RIN1: variants seen among roughly 807,000 people sequenced by gnomAD.
RIN1 encodes the protein Ras and Rab interactor 1.
RIN1 carries 52 observed loss-of-function variants against 64.9 expected under a neutral mutation model. That is an observed-to-expected ratio of 0.80 (90% CI 0.64 to 1.01). The LOEUF (loss-of-function observed/expected upper bound fraction) is 1.01. RIN1 is among the 50% of genes least tolerant of loss of function. The pLI, the probability that RIN1 is intolerant of heterozygous loss-of-function variation, is 0.00. For missense variants in RIN1, 1,040 were observed against 1,064.5 expected, an observed-to-expected ratio of 0.98 and a Z score of 0.32; for synonymous variants, 486 against 483.6, an observed-to-expected ratio of 1.00 and a Z score of -0.06.
At position 66,333,929 on chromosome 11, in the gene RIN1, C is replaced by G. The variant is rs369381263; in HGVS notation, c.1581G>C (p.Arg527Ser). The part of the protein sequence containing the change: ...QACKLLYMAL[R>S]TQEGEGAGAD... ...GTGGCAGGGACATACCTTCCTGGGT[C>G]CTCAGGGCCATGTAGAGCAGCTTGC... The change falls in exon 7 of 10, where the codon AGG (arginine) becomes AGC (serine). Residue 527 changes from arginine to serine, a missense_variant. Transcript: ENST00000311320. 2.7e-5 allele frequency: 41 copies of G among 1,535,926 alleles called. No homozygotes were observed. The highest frequency in any genetic ancestry group is 3.3e-5 in the Non-Finnish European group (38 of 1,140,754).
Position 66,335,762 on chromosome 11 carries a change from C to T in RIN1, c.382G>A (p.Gly128Ser), listed in dbSNP as rs1045383459. 8.1e-6 allele frequency: 13 copies of T among 1,613,020 alleles called. No homozygotes were observed. The highest frequency in any genetic ancestry group is 1.3e-5 in the African/African-American group (1 of 74,892). The change falls in exon 3 of 10, where the codon GGC (glycine) becomes AGC (serine). Residue 128 changes from glycine to serine, a missense_variant and splice_region_variant. Transcript: ENST00000311320. ...CCTTCCCGCCAGGCCAGCCCCTCACCGCCAGGGCTCTCCAGGATGTAGTGG... is the reference window on the plus strand; with the variant it reads ...CCTTCCCGCCAGGCCAGCCCCTCACTGCCAGGGCTCTCCAGGATGTAGTGG... ...SSHYILESPG[G>S]VSLEGSELMF...
chr11:66,336,105 C>G lies in RIN1; in HGVS notation c.140G>C (p.Gly47Ala). ...DVPNASGGQAGGPQRPGRVVS... is the reference protein window; with the variant it reads ...DVPNASGGQAAGPQRPGRVVS... ...AACGCGCCCCGGCCGCTGCGGCCCG[C>G]CTGCCTGCCCGCCGCTGGCATTGGG... Residue 47 changes from glycine (G) to alanine (A), a missense_variant, in exon 2 of 10, where the codon GGC (glycine) becomes GCC (alanine). Gly to Ala is a moderately conservative substitution (Grantham distance 60). Transcript: ENST00000311320. 1 of 1,443,750 alleles carries G rather than the reference C, an allele frequency of 6.9e-7. No individual in the cohort carries two copies. Among genetic ancestry groups the G allele is most frequent in the Non-Finnish European group, 9.1e-7 (1 of 1,100,782 alleles). 89.4% of individuals were successfully genotyped at this position (1,443,750 alleles called of 1,614,324 possible).
intron 6 of RIN1, 56 bp downstream of exon 6, chr11:66,334,458 G>A: frequency 1.9e-6 from 3 of 1,573,990 alleles, no homozygotes; most frequent in Non-Finnish European, 2.6e-6. Flanking sequence ...GCGCTGTGGA[G>A]GGGAGCAGAG....
chr11:66,333,126 C>T, intron 9 of RIN1, 132 bp downstream of exon 9: 2 of 1,147,330 alleles, frequency 1.7e-6, no homozygotes, highest in South Asian at 2.8e-5. Flanking sequence ...CGCCCAAGTC[C>T]CCACAACCCA....
intron 7 of RIN1, 118 bp from the exon 8 acceptor site, chr11:66,333,776 G>A: frequency 6.9e-7 from 1 of 1,443,730 alleles, no homozygotes; most frequent in Non-Finnish European, 9.2e-7. Flanking sequence ...TCCTCTCTAG[G>A]CCTCAGTTTC....
At position 66,335,020 on chromosome 11, in the gene RIN1, G is replaced by C; in HGVS notation, c.779C>G (p.Pro260Arg). Reference protein sequence around the residue: ...STETSSPLSPPAVPPPPVPVL... With the variant: ...STETSSPLSPRAVPPPPVPVL... ...GGGGACGGGGGGAGGTGGCACGGCA[G>C]GTGGAGACAGGGGGCTGGAGGTCTC... The change falls in exon 6 of 10, where the codon CCT becomes CGT. Residue 260 changes from proline (P) to arginine (R), a missense_variant. Transcript: ENST00000311320. 1 of 1,537,872 alleles carries C rather than the reference G, an allele frequency of 6.5e-7. No homozygotes were observed. The highest frequency in any genetic ancestry group is 8.7e-7 in the Non-Finnish European group (1 of 1,144,456).
In RIN1 at chr11:66,336,041, C is replaced by T; in HGVS notation, c.204G>A (p.Val68=). ...LRERLLLTRP[V]WLQLQANAAA... ...CTGCGTTGGCTTGCAGCTGCAGCCA[C>T]ACGGGCCGGGTGAGCAGCAGGCGCT... Residue 68 remains valine (V), a synonymous_variant, in exon 2 of 10, where the codon GTG becomes GTA. Transcript: ENST00000311320. 6.8e-7 allele frequency: 1 copy of T among 1,468,100 alleles called. No homozygotes were observed. Among genetic ancestry groups the T allele is most frequent in the Non-Finnish European group, 9.0e-7 (1 of 1,108,682 alleles). 90.9% of individuals were successfully genotyped at this position (1,468,100 alleles called of 1,614,324 possible). A position where few individuals can be genotyped will look rare whatever the true frequency, so the allele number is the denominator to read the frequency against.
Position 66,335,032 on chromosome 11 carries a change from G to A in RIN1, c.767C>T (p.Pro256Leu), listed in dbSNP as rs749708268. ...KVRVSTETSS[P>L]LSPPAVPPPP... is the part of the protein sequence containing the mutation. ...AGGTGGCACGGCAGGTGGAGACAGG[G>A]GGCTGGAGGTCTCTGTGGACACGCG... Residue 256 changes from proline (P) to leucine (L), a missense_variant, in exon 6 of 10, where the codon CCC (proline) becomes CTC (leucine). By Grantham distance (98) the Pro-to-Leu change is moderately conservative. Transcript: ENST00000311320. 3 of 1,535,464 alleles carry A rather than the reference G, an allele frequency of 2.0e-6. No individual in the cohort carries two copies. The highest frequency in any genetic ancestry group is 2.6e-5 in the South Asian group (2 of 78,120).
At position 66,335,395 on chromosome 11, in the gene RIN1, G is replaced by A. The variant is rs1160081680; in HGVS notation, c.547+12C>T. 1 of 1,599,434 alleles carries A rather than the reference G, an allele frequency of 6.3e-7. No homozygotes were observed. Among genetic ancestry groups the A allele is most frequent in the Non-Finnish European group, 8.5e-7 (1 of 1,170,454 alleles). On this transcript the variant is annotated intron_variant, in intron 5 of 9. Transcript: ENST00000311320. The stretch of plus-strand genomic sequence containing the variant: ...TTGTTCATCTGTGCAATGGGTGGCA[G>A]GAAGCCCTTACCAATGCCCAGATGG...
In RIN1 at chr11:66,332,601, T is replaced by C; in HGVS notation, c.2027A>G (p.Tyr676Cys). ...CAGGCGGTGGTAGCCCTGCTCCTTG[T>C]ACAGGAAGAGGCCAAAAGTGTTGGG... is the stretch of plus-strand genomic sequence containing the variant. The part of the protein sequence containing the change: ...TQPNTFGLFL[Y>C]KEQGYHRLPP... Residue 676 changes from tyrosine to cysteine, a missense_variant, in exon 10 of 10, where the codon TAC (tyrosine) becomes TGC (cysteine). By Grantham distance (194) the Tyr-to-Cys change is radical (BLOSUM62 -2). Transcript: ENST00000311320. The C allele has an allele frequency of 6.2e-7, 1 of 1,607,820 alleles. No individual in the cohort carries two copies.
In RIN1 at chr11:66,331,925, G is replaced by C. The variant is rs1854740581; in HGVS notation, c.*351C>G. 2 of 315,180 alleles carry C rather than the reference G, an allele frequency of 6.3e-6. No homozygotes were observed. Among genetic ancestry groups the C allele is most frequent in the South Asian group, 8.5e-5 (2 of 23,464 alleles). The allele number at this position is 315,180 out of a possible 1,614,324, so 19.5% of individuals were successfully genotyped here. On this transcript the variant is annotated 3_prime_UTR_variant, in exon 10 of 10. Coordinates refer to ENST00000311320, the MANE Select transcript of RIN1 (RefSeq NM_004292.3). ...CCCTGCCTCAGCCATGCCCATGAGGGGAAGGGTAAAAGGAGCTGAGACCGT... is the reference window on the plus strand; with the variant it reads ...CCCTGCCTCAGCCATGCCCATGAGGCGAAGGGTAAAAGGAGCTGAGACCGT...
rs1854724776 is a variant in RIN1 at position 66,330,944 on chromosome 11, G to C, written c.*1332C>G. The C allele has an allele frequency of 6.6e-6, 1 of 152,322 alleles. No homozygotes were observed. Among genetic ancestry groups the C allele is most frequent in the Non-Finnish European group, 1.5e-5 (1 of 68,134 alleles). 9.4% of individuals were successfully genotyped at this position (152,322 alleles called of 1,614,324 possible). On this transcript the variant is annotated 3_prime_UTR_variant, in exon 10 of 10. Transcript: ENST00000311320. Reference sequence around the variant, plus strand: ...CCTTCCTGGGGATGGCCCCCAAGAGGCTGGCCTTACCCAGACCCCAGAATC... The same window carrying C: ...CCTTCCTGGGGATGGCCCCCAAGAGCCTGGCCTTACCCAGACCCCAGAATC...
intron 5 of RIN1, 75 bp from the exon 6 acceptor site, chr11:66,335,326 T>C: frequency 8.4e-6 from 13 of 1,556,762 alleles, no homozygotes; most frequent in Non-Finnish European, 1.1e-5. Flanking sequence ...AGGCAGGGGC[T>C]TCGGGCGGTG....
At position 66,332,565 on chromosome 11, in the gene RIN1, G is replaced by A. The variant is rs774635112; in HGVS notation, c.2063C>T (p.Ala688Val). The A allele has an allele frequency of 1.2e-6, 2 of 1,612,516 alleles. No individual in the cohort carries two copies. The highest frequency in any genetic ancestry group is 8.5e-7 in the Non-Finnish European group (1 of 1,179,034). ...EQGYHRLPPG[A>V]LAHRLPTTGY... ...AGTGGTGGGCAGCCTGTGGGCCAGGGCCCCAGGGGGCAGGCGGTGGTAGCC... is the reference window on the plus strand; with the variant it reads ...AGTGGTGGGCAGCCTGTGGGCCAGGACCCCAGGGGGCAGGCGGTGGTAGCC... Residue 688 changes from alanine (A) to valine (V), a missense_variant, in exon 10 of 10, where the codon GCC (alanine) becomes GTC (valine). Coordinates refer to ENST00000311320, the MANE Select transcript of RIN1 (RefSeq NM_004292.3).
At chr11:66,333,235 G>A in intron 9 of RIN1, 23 bp downstream of exon 9, 4 of 1,607,550 alleles carry the variant, frequency 2.5e-6, no homozygotes, top group African/African-American at 1.3e-5. Context: ...CTGGCTCTGA[G>A]GACACGGTGG....
At chr11:66,334,476 T>G in intron 6 of RIN1, 38 bp downstream of exon 6, 1 of 1,586,700 alleles carries the variant, frequency 6.3e-7, no homozygotes, top group Non-Finnish European at 8.6e-7. Flanking sequence ...GAGGGTCGGA[T>G]GGGGCAGTGC....
rs914997747 is a variant in RIN1, at chr11:66,334,426, C to A, written c.1285+88G>T. On this transcript the variant is annotated intron_variant, in intron 6 of 9. Transcript: ENST00000311320. ...AAGACAAGATGGATTTGTAAAGCAG[C>A]AGAACAGAATCAGACAGGCTGGCGC... 23 of 1,505,500 alleles carry A rather than the reference C, an allele frequency of 1.5e-5. No homozygotes were observed. The South Asian group carries it at 2.4e-4, about 16-fold the overall frequency. 93.3% of individuals were successfully genotyped at this position (1,505,500 alleles called of 1,614,324 possible).
intron 4 of RIN1, 30 bp downstream of exon 4, chr11:66,335,580 G>T: frequency 6.2e-7 from 1 of 1,613,082 alleles, no homozygotes; most frequent in African/African-American, 1.3e-5. Flanking sequence ...CAGGGCCCGT[G>T]GACACCAGGC....
chr11:66,332,317 C>T lies in RIN1; in HGVS notation c.2311G>A (p.Gly771Arg), dbSNP rs747902529. Residue 771 changes from glycine (G) to arginine (R), a missense_variant, in exon 10 of 10, where the codon GGG becomes AGG. Gly to Arg is a moderately radical substitution (Grantham distance 125). Transcript: ENST00000311320. ...CGGCTTCCCTCTGCCTCTGGTTCCCCTGGCTGAGCAGGGCCTTCCTGGGCT... is the reference window on the plus strand; with the variant it reads ...CGGCTTCCCTCTGCCTCTGGTTCCCTTGGCTGAGCAGGGCCTTCCTGGGCT... ...GQAQEGPAQP[G>R]EPEAEGSRAA... 1.3e-5 allele frequency: 21 copies of T among 1,614,052 alleles called. No homozygotes were observed. In the South Asian group the frequency reaches 2.1e-4, roughly 16 times the overall value.
Sources: gnomAD v4.1 joint callset for allele counts on GRCh38, gnomAD v4.1.1 for gene constraint, MANE v1.5 for transcripts, NCBI Gene and HGNC (gene_info 2026-07-23, HGNC 2026-07-21) for gene names.